Variants in DLEC1 observed in about 807,000 individuals in gnomAD.
DLEC1 encodes the protein deleted in lung and esophageal cancer protein 1.
DLEC1 carries 146 observed loss-of-function variants against 198.1 expected under a neutral mutation model. The ratio of observed to expected loss-of-function variants is 0.74; its 90% CI spans 0.64 to 0.85. The LOEUF (loss-of-function observed/expected upper bound fraction) is 0.85, where lower values mean the gene tolerates loss of function less well. Among genes scored for constraint, DLEC1 ranks in the 40% least tolerant of loss-of-function variants. DLEC1 has a pLI of 0.00. For missense variants in DLEC1, 2,233 were observed against 2,220.0 expected (o/e 1.01, Z -0.12); for synonymous variants, 897 against 866.8 (o/e 1.03, Z -0.61).
At chr3:38,084,359 G>C (rs953443272) in intron 7 of DLEC1, 114 bp downstream of exon 7, 11 of 851,216 alleles carry the variant, frequency 1.3e-5, no homozygotes, top group African/African-American at 4.1e-5. Context: ...TAGTGGTGGT[G>C]GTAGTAGTAG....
In DLEC1 at chr3:38,100,312, G is replaced by C. The variant is rs538993048; in HGVS notation, c.2751G>C (p.Ser917=). 8.1e-6 allele frequency: 13 copies of C among 1,612,854 alleles called. No homozygotes were observed. The highest frequency in any genetic ancestry group is 1.1e-5 in the Non-Finnish European group (13 of 1,179,666). ...EDVSPFDIEP[S]SGQLHSLGEC... The stretch of plus-strand genomic sequence containing the variant: ...TGTCTCCCTTCGACATTGAGCCTTC[G>C]AGTGGCCAGCTTCACTCTCTGGGGG... Residue 917 remains serine, a synonymous_variant, in exon 19 of 37, where the codon TCG becomes TCC. Transcript: ENST00000308059.
At chr3:38,044,534 G>T (rs1302544877) in intron 1 of DLEC1, among the ~76,000 whole-genome samples, 1 of 151,986 alleles carries the variant, frequency 6.6e-6, no homozygotes, top group Non-Finnish European at 1.5e-5. Context: ...TTGCACTCCA[G>T]CCTGGGCAAC....
At chr3:38,113,052 G>C (rs897080003) in intron 25 of DLEC1, among the ~76,000 whole-genome samples, 1 of 152,188 alleles carries the variant, frequency 6.6e-6, no homozygotes, top group Non-Finnish European at 1.5e-5. Flanking sequence ...TATAAAAAGG[G>C]ATCTTAAGTA....
Position 38,096,613 on chromosome 3 carries a change from A to G in DLEC1, c.2216A>G (p.Asp739Gly). 1 of 1,612,388 alleles carries G rather than the reference A, an allele frequency of 6.2e-7. No homozygotes were observed. The highest frequency in any genetic ancestry group is 8.5e-7 in the Non-Finnish European group (1 of 1,179,968). The change falls in exon 15 of 37, where the codon GAT (aspartate) becomes GGT (glycine). Residue 739 changes from aspartate (D) to glycine (G), a missense_variant. Coordinates refer to ENST00000308059, the MANE Select transcript of DLEC1 (RefSeq NM_007335.4). ...SLGHSSYSVD[D>G]VIVLEIEVKG... ...GGGCACTCCTCCTACTCTGTGGATGATGTGATTGTCCTGGAAATCGAGGTG... is the reference window on the plus strand; with the variant it reads ...GGGCACTCCTCCTACTCTGTGGATGGTGTGATTGTCCTGGAAATCGAGGTG...
chr3:38,095,193 C>A, intron 13 of DLEC1, 122 bp downstream of exon 13: 4 of 1,259,606 alleles, frequency 3.2e-6, no homozygotes, highest in Non-Finnish European at 4.4e-6. Context: ...CCTGCCCAGG[C>A]CAGCACTTGG....
rs146624443 is a variant in DLEC1, at chr3:38,083,380, G to A, written c.1174-778G>A. ...TCTCTGGCAGGCAGGAGTGGGGGTT[G>A]CAAAGTACTCAGTGGGGGAGCTTTT... On this transcript the variant is annotated intron_variant, in intron 6 of 36. Transcript: ENST00000308059. Among the ~76,000 whole-genome samples, 723 of 151,972 alleles carry A rather than the reference G, an allele frequency of 4.8e-3. 9 individuals are homozygous for A. The highest frequency in any genetic ancestry group is 0.017 in the African/African-American group (696 of 41,390).
At chr3:38,052,336 T>C (rs1218857461) in intron 2 of DLEC1, 16 of 368,760 alleles carry the variant, frequency 4.3e-5, no homozygotes, top group East Asian at 1.9e-4. Flanking sequence ...CAGCAAGCTC[T>C]GCTTTCTCTA....
chr3:38,053,791 G>T (rs983743275), intron 2 of DLEC1, among the ~76,000 whole-genome samples: 7 of 152,204 alleles, frequency 4.6e-5, no homozygotes, highest in African/African-American at 1.7e-4. Context: ...AAATCAGATT[G>T]TTGCTGTGTC....
At chr3:38,104,710 A>G (rs1251097547) in intron 19 of DLEC1, among the ~76,000 whole-genome samples, 1 of 152,176 alleles carries the variant, frequency 6.6e-6, no homozygotes, top group African/African-American at 2.4e-5. Flanking sequence ...CTAAAGGTTT[A>G]TCAATGTTGG....
At chr3:38,119,547 CT>C (rs572131372) in intron 33 of DLEC1, among the ~76,000 whole-genome samples, 109 of 145,862 alleles carry the variant, frequency 7.5e-4, no homozygotes, top group Non-Finnish European at 6.8e-4. Flanking sequence ...GATCAGTGGC[CT>C]TTTTTTTTTT....
At chr3:38,121,830 C>G in intron 35 of DLEC1, 49 bp downstream of exon 35, 1 of 1,593,168 alleles carries the variant, frequency 6.3e-7, no homozygotes, top group Non-Finnish European at 8.6e-7. Context: ...AGGGCTGTGC[C>G]AAGAGAAGAC....
chr3:38,063,002 C>T (rs985981256), intron 5 of DLEC1, among the ~76,000 whole-genome samples: 2 of 152,130 alleles, frequency 1.3e-5, no homozygotes, highest in Non-Finnish European at 2.9e-5. Flanking sequence ...CTTTTCTGAC[C>T]TGCCAGGGGT....
Position 38,108,448 on chromosome 3 carries a change from C to G in DLEC1, c.3062C>G (p.Pro1021Arg). The change falls in exon 21 of 37, where the codon CCC becomes CGC. Residue 1021 changes from proline to arginine, a missense_variant. Transcript: ENST00000308059. ...GAATTCTGCATGGTGACAGTCTCCC[C>G]CAAACATGGCCTGCTGGGCCCAAGT... The part of the protein sequence containing the change: ...QAEFCMVTVS[P>R]KHGLLGPSEE... The G allele has an allele frequency of 2.5e-6, 4 of 1,614,166 alleles. No individual in the cohort carries two copies. Among genetic ancestry groups the G allele is most frequent in the Non-Finnish European group, 3.4e-6 (4 of 1,180,018 alleles).
intron 6 of DLEC1, among the ~76,000 whole-genome samples, chr3:38,081,022 C>T (rs961875890): frequency 9.1e-5 from 12 of 131,590 alleles, no homozygotes; most frequent in Non-Finnish European, 1.3e-4. Flanking sequence ...TGACTCTTAA[C>T]GAGCATGCTG....
In DLEC1 at chr3:38,051,325, G is replaced by C. The variant is rs73825485; in HGVS notation, c.562+5632G>C. Reference sequence around the variant, plus strand: ...GATCGCTCAGCGGCAGTGGCGCAGAGGCCTCCTCCCTGGTCCACCGCGGTC... The same window carrying C: ...GATCGCTCAGCGGCAGTGGCGCAGACGCCTCCTCCCTGGTCCACCGCGGTC... On this transcript the variant is annotated intron_variant, in intron 2 of 36. Transcript: ENST00000308059. Among the ~76,000 whole-genome samples, 838 of 152,334 alleles carry C rather than the reference G, an allele frequency of 5.5e-3. 5 individuals are homozygous for C. Among genetic ancestry groups the C allele is most frequent in the African/African-American group, 0.019 (797 of 41,588 alleles).
At chr3:38,061,113 C>T (rs555353429) in intron 3 of DLEC1, among the ~76,000 whole-genome samples, 1 of 152,370 alleles carries the variant, frequency 6.6e-6, no homozygotes, top group Non-Finnish European at 1.5e-5. Flanking sequence ...CATTTGATTG[C>T]ATTCTTGCTA....
In DLEC1 at chr3:38,114,283, A is replaced by C. The variant is rs1400214740; in HGVS notation, c.3667-59A>C. ...GGCTGGACAAGTGGAGGCCTTGCCC[A>C]GAGGGGATGTGGTCGCAACCGGTGA... is the stretch of plus-strand genomic sequence containing the variant. On this transcript the variant is annotated intron_variant, in intron 25 of 36. Transcript: ENST00000308059. The C allele has an allele frequency of 4.5e-6, 7 of 1,562,222 alleles. No homozygotes were observed. In the East Asian group the frequency reaches 1.6e-4, roughly 35 times the overall value.
chr3:38,093,845 G>A, intron 12 of DLEC1, 78 bp downstream of exon 12: 1 of 1,568,514 alleles, frequency 6.4e-7, no homozygotes, highest in Non-Finnish European at 8.7e-7. Flanking sequence ...TGAGACAGGA[G>A]GTCCTTCCAA....
At chr3:38,093,520 G>T in intron 11 of DLEC1, 85 bp from the exon 12 acceptor site, 1 of 1,521,768 alleles carries the variant, frequency 6.6e-7, no homozygotes, top group East Asian at 2.3e-5. Context: ...GCTGCATGTG[G>T]ATGGCGGCAT....
Sources: allele counts gnomAD v4.1 joint callset (sites outside exome capture counted in the v4.1 genomes callset), GRCh38; gene constraint gnomAD v4.1.1; transcripts MANE v1.5; gene names NCBI Gene and HGNC (gene_info 2026-07-23, HGNC 2026-07-21).